NPEPPS: variants seen among roughly 807,000 people sequenced by gnomAD.
NPEPPS encodes the protein aminopeptidase puromycin sensitive.
In NPEPPS, 14 loss-of-function variants were observed where a neutral mutation model predicts 115.5. That is an observed-to-expected ratio of 0.12 (90% confidence interval 0.08 to 0.19). The LOEUF (loss-of-function observed/expected upper bound fraction) is 0.19. Among genes scored for constraint, NPEPPS ranks in the 10% least tolerant of loss-of-function variants. NPEPPS has a pLI of 1.00. For missense variants in NPEPPS, 523 were observed against 1,110.8 expected (o/e 0.47, Z 7.52); for synonymous variants, 285 against 390.6 (o/e 0.73, Z 3.19).
At chr17:47,572,838 C>T (rs924584704) in intron 3 of NPEPPS, among the ~76,000 whole-genome samples, 4 of 152,094 alleles carry the variant, frequency 2.6e-5, no homozygotes, top group Admixed American at 6.6e-5. Flanking sequence ...TGTAGTGGTG[C>T]GATCTCGGCT....
chr17:47,619,706 T>G lies in NPEPPS; in HGVS notation c.2560-31T>G, dbSNP rs372053632. The G allele has an allele frequency of 3.8e-6, 6 of 1,596,962 alleles. No individual in the cohort carries two copies. The African/African-American group carries it at 8.0e-5, about 21-fold the overall frequency. On this transcript the variant is annotated intron_variant, in intron 21 of 22. Coordinates refer to ENST00000322157, the MANE Select transcript of NPEPPS (RefSeq NM_006310.4). ...GAAGTTTGTTCTCAGCCTCTTGGTT[T>G]CACTTACTGTTTAAAACCATTGTTT... is the stretch of plus-strand genomic sequence containing the variant.
chr17:47,545,841 C>T (rs1909161620), intron 1 of NPEPPS, 68 bp from the exon 2 acceptor site: 1 of 1,473,872 alleles, frequency 6.8e-7, no homozygotes, highest in Admixed American at 2.2e-5. Flanking sequence ...GCCAACACAC[C>T]TGGCCAAGTT....
At position 47,603,961 on chromosome 17, in the gene NPEPPS, C is replaced by T. The variant is rs750310068; in HGVS notation, c.1787C>T (p.Ala596Val). The part of the protein sequence containing the change: ...VGFYRTQYSS[A>V]MLESLLPGIR... ...TTTTATCGGACCCAGTACAGCTCTG[C>T]CATGCTGGAAAGTTTATTACCAGGC... The change falls in exon 16 of 23, where the codon GCC becomes GTC. Residue 596 changes from alanine to valine, a missense_variant. This residue lies in a region of NPEPPS where 372 missense variants were observed against 542.6 expected (regional missense o/e 0.69). Coordinates refer to ENST00000322157, the MANE Select transcript of NPEPPS (RefSeq NM_006310.4). 9 of 1,613,512 alleles carry T rather than the reference C, an allele frequency of 5.6e-6. No homozygotes were observed. Among genetic ancestry groups the T allele is most frequent in the Non-Finnish European group, 7.6e-6 (9 of 1,179,610 alleles).
At chr17:47,546,668 T>C (rs1909242435) in intron 2 of NPEPPS, among the ~76,000 whole-genome samples, 1 of 152,070 alleles carries the variant, frequency 6.6e-6, no homozygotes, top group South Asian at 2.1e-4. Context: ...GCCTCCTGAG[T>C]GGCTGAGATT....
chr17:47,589,640 A>G (rs1023259886), intron 9 of NPEPPS, among the ~76,000 whole-genome samples: 1 of 152,138 alleles, frequency 6.6e-6, no homozygotes, highest in Non-Finnish European at 1.5e-5. Context: ...TTTAAAATTG[A>G]TTTTATCTGT....
intron 1 of NPEPPS, among the ~76,000 whole-genome samples, chr17:47,537,974 A>G (rs1239962447): frequency 6.7e-6 from 1 of 149,216 alleles, no homozygotes; most frequent in Non-Finnish European, 1.5e-5. Flanking sequence ...GCTCACTGCA[A>G]CCTCCGCCTC....
At chr17:47,587,663 G>A (rs1404333452) in intron 9 of NPEPPS, among the ~76,000 whole-genome samples, 1 of 152,044 alleles carries the variant, frequency 6.6e-6, no homozygotes, top group Non-Finnish European at 1.5e-5. Flanking sequence ...CATGCAGTGA[G>A]ATTCCAGGCT....
Position 47,536,124 on chromosome 17 carries a change from C to T in NPEPPS, c.255+4569C>T, listed in dbSNP as rs548297546. 9.9e-5 allele frequency among the ~76,000 whole-genome samples: 15 copies of T among 152,168 alleles called. No homozygotes were observed. The South Asian group carries it at 1.7e-3, about 17-fold the overall frequency. ...TGTTGGGATTACAGGCGTGAGCCAC[C>T]GTGCCCAGCTGGGCTTTCTCTTATG... On this transcript the variant is annotated intron_variant, in intron 1 of 22. Transcript: ENST00000322157.
intron 2 of NPEPPS, among the ~76,000 whole-genome samples, chr17:47,549,423 ATG>A (rs1909471666): frequency 1.3e-5 from 2 of 152,144 alleles, no homozygotes; most frequent in African/African-American, 4.8e-5. Context: ...ACCTGAAGTC[ATG>A]TGTAAGCCCA....
chr17:47,594,591 T>TTTATGTTATGTTATGTTATG (rs71141919), intron 12 of NPEPPS, among the ~76,000 whole-genome samples: 291 of 138,290 alleles, frequency 2.1e-3, no homozygotes, highest in East Asian at 0.013. Flanking sequence ...TGTATTTTAT[T>TTTATGTTATGTTATGTTATG]TTATGTTATG....
intron 1 of NPEPPS, among the ~76,000 whole-genome samples, chr17:47,535,242 CAAAAAAAAAAAA>C (rs1163530675): frequency 0.012 from 699 of 57,110 alleles, 13 homozygotes; most frequent in Non-Finnish European, 0.017. Context: ...GACTCTGTCT[CAAAAAAAAAAAA>C]AAAAAAAAAA....
In NPEPPS at chr17:47,584,294, C is replaced by A. The variant is rs537911505; in HGVS notation, c.649-1206C>A. 1.4e-4 allele frequency among the ~76,000 whole-genome samples: 21 copies of A among 151,280 alleles called. 1 individual carries two copies. Among genetic ancestry groups the A allele is most frequent in the Admixed American group, 1.2e-3 (18 of 15,192 alleles). On this transcript the variant is annotated intron_variant, in intron 5 of 22. Coordinates refer to ENST00000322157, the MANE Select transcript of NPEPPS (RefSeq NM_006310.4). ...ATGTTTTTAAAAAGTTAAAAAAATT[C>A]AAAAGATGTAGCTGCGTAATGAAGT...
chr17:47,534,145 G>T (rs2143659758), intron 1 of NPEPPS, among the ~76,000 whole-genome samples: 1 of 151,956 alleles, frequency 6.6e-6, no homozygotes. Context: ...AGGCTGGAGT[G>T]CAGTGGCACG....
At chr17:47,602,829 A>G (rs2143921473) in intron 15 of NPEPPS, among the ~76,000 whole-genome samples, 1 of 151,948 alleles carries the variant, frequency 6.6e-6, no homozygotes, top group East Asian at 1.9e-4. Flanking sequence ...TTAAATATAT[A>G]TTTAAAATAT....
intron 19 of NPEPPS, 90 bp downstream of exon 19, chr17:47,613,815 C>G: frequency 1.0e-6 from 1 of 959,434 alleles, no homozygotes. Flanking sequence ...AAAAGACAGT[C>G]CTAGAAAAGA....
At chr17:47,616,739 A>AGTG (rs1330135532) in intron 19 of NPEPPS, among the ~76,000 whole-genome samples, 6 of 150,494 alleles carry the variant, frequency 4.0e-5, no homozygotes, top group African/African-American at 1.5e-4. Context: ...GAGCTGAGGT[A>AGTG]ACACCATTGC....
At chr17:47,536,955 C>T (rs575901177) in intron 1 of NPEPPS, among the ~76,000 whole-genome samples, 2 of 150,986 alleles carry the variant, frequency 1.3e-5, no homozygotes, top group South Asian at 4.2e-4. Context: ...TCAGGTGATC[C>T]ACCCGCCTTG....
chr17:47,612,719 A>G, intron 18 of NPEPPS, 117 bp downstream of exon 18: 2 of 957,450 alleles, frequency 2.1e-6, no homozygotes, highest in African/African-American at 1.7e-5. Context: ...GCTGGAGTGC[A>G]GTGGCATGAT....
Position 47,622,876 on chromosome 17 carries a change from T to TCAACACTGG in NPEPPS, c.*958_*966dup. Reference sequence around the variant, plus strand: ...GCTCTTGAACCTCTTCACAACAGTATCAACACTGGCTTCTCCCGGTTCATT... The same window carrying TCAACACTGG: ...GCTCTTGAACCTCTTCACAACAGTATCAACACTGGCAACACTGGCTTCTCCCGGTTCATT... On this transcript the variant is annotated 3_prime_UTR_variant, in exon 23 of 23. Transcript: ENST00000322157. 2.2e-6 allele frequency: 1 copy of TCAACACTGG among 456,042 alleles called. No homozygotes were observed. Among genetic ancestry groups the TCAACACTGG allele is most frequent in the Non-Finnish European group, 4.4e-6 (1 of 226,784 alleles). 28.2% of individuals were successfully genotyped at this position (456,042 alleles called of 1,614,324 possible). A position where few individuals can be genotyped will look rare whatever the true frequency, so the allele number is the denominator to read the frequency against.
Sources: allele counts gnomAD v4.1 joint callset (sites outside exome capture counted in the v4.1 genomes callset), GRCh38; gene constraint gnomAD v4.1.1; regional missense constraint gnomAD v4.1.1; transcripts MANE v1.5; gene names NCBI Gene and HGNC (gene_info 2026-07-23, HGNC 2026-07-21).